Variants in LRBA observed in about 807,000 individuals in gnomAD.
The protein encoded by LRBA is lipopolysaccharide-responsive and beige-like anchor protein.
LRBA carries 176 observed loss-of-function variants against 330.0 expected under a neutral mutation model. The observed-to-expected ratio is 0.53, with a 90% confidence interval of 0.47 to 0.60. The LOEUF (loss-of-function observed/expected upper bound fraction) is 0.60. Ranked by LOEUF, LRBA falls within the 20% of genes least tolerant of loss-of-function variation. The pLI is 0.00. For missense variants in LRBA, 3,259 were observed against 3,444.8 expected (o/e 0.95, Z 1.35); for synonymous variants, 1,230 against 1,193.0 (o/e 1.03, Z -0.64).
chr4:150,954,775 A>G (rs940307305), intron 2 of LRBA, among the ~76,000 whole-genome samples: 2 of 142,136 alleles, frequency 1.4e-5, no homozygotes, highest in Non-Finnish European at 1.5e-5. Context: ...ATACTAAAAA[A>G]TTTTTTAAAA....
At chr4:150,830,629 G>T (rs1435615661) in intron 29 of LRBA, among the ~76,000 whole-genome samples, 10 of 151,998 alleles carry the variant, frequency 6.6e-5, no homozygotes, top group Non-Finnish European at 1.5e-4. Flanking sequence ...AATCATGAAG[G>T]AAAGATTAAA....
intron 44 of LRBA, among the ~76,000 whole-genome samples, chr4:150,452,963 C>T (rs1277453167): frequency 1.3e-5 from 2 of 152,050 alleles, no homozygotes; most frequent in Non-Finnish European, 2.9e-5. Context: ...AGATTAAAAA[C>T]ATGAATTTTT....
chr4:150,921,048 G>A, intron 5 of LRBA, 150 bp downstream of exon 5: 1 of 502,296 alleles, frequency 2.0e-6, no homozygotes, highest in African/African-American at 1.9e-5. Flanking sequence ...TTACAAAAAA[G>A]TAACATGCAC....
At chr4:150,284,483 T>A (rs962382037) in intron 54 of LRBA, among the ~76,000 whole-genome samples, 2 of 152,210 alleles carry the variant, frequency 1.3e-5, no homozygotes, top group Non-Finnish European at 2.9e-5. Flanking sequence ...ACATGTGAGT[T>A]TTACTACTTT....
chr4:150,644,198 C>T (rs537138430), intron 37 of LRBA, among the ~76,000 whole-genome samples: 24 of 151,968 alleles, frequency 1.6e-4, no homozygotes, highest in African/African-American at 5.3e-4. Flanking sequence ...TATGCAGTAA[C>T]ACGATAGCTA....
chr4:150,826,340 G>A (rs539788273), intron 30 of LRBA, among the ~76,000 whole-genome samples: 13 of 152,312 alleles, frequency 8.5e-5, no homozygotes, highest in African/African-American at 3.1e-4. Context: ...AGCCACAAAG[G>A]ATATTTATTA....
chr4:150,996,872 A>G (rs1214871837), intron 2 of LRBA, among the ~76,000 whole-genome samples: 1 of 152,168 alleles, frequency 6.6e-6, no homozygotes, highest in African/African-American at 2.4e-5. Flanking sequence ...TTTTCATGCT[A>G]TAAATCAAGT....
chr4:151,005,988 T>C (rs1744032241), intron 2 of LRBA, among the ~76,000 whole-genome samples: 1 of 152,104 alleles, frequency 6.6e-6, no homozygotes, highest in Non-Finnish European at 1.5e-5. Context: ...AATAACTTCA[T>C]AGGAAACAAA....
chr4:150,368,118 T>C (rs1031158126), intron 47 of LRBA, among the ~76,000 whole-genome samples: 4 of 152,184 alleles, frequency 2.6e-5, no homozygotes, highest in Non-Finnish European at 5.9e-5. Context: ...ATCCTCATTC[T>C]CTCAAGGTGC....
intron 55 of LRBA, among the ~76,000 whole-genome samples, chr4:150,278,716 G>A (rs898182080): frequency 6.6e-6 from 1 of 152,184 alleles, no homozygotes; most frequent in African/African-American, 2.4e-5. Context: ...CGGGCCAAGT[G>A]CAGCCCACTG....
At chr4:150,511,157 C>A (rs1184713294) in intron 40 of LRBA, among the ~76,000 whole-genome samples, 1 of 152,170 alleles carries the variant, frequency 6.6e-6, no homozygotes, top group Non-Finnish European at 1.5e-5. Flanking sequence ...CATGCCTGGC[C>A]TAACCTCTCA....
chr4:150,344,307 A>G (rs1284086227), intron 48 of LRBA, among the ~76,000 whole-genome samples: 1 of 152,212 alleles, frequency 6.6e-6, no homozygotes, highest in Non-Finnish European at 1.5e-5. Flanking sequence ...ATTGTAACAT[A>G]TGTGAACTAT....
At chr4:150,877,532 A>G (rs1412063907) in intron 17 of LRBA, among the ~76,000 whole-genome samples, 1 of 152,218 alleles carries the variant, frequency 6.6e-6, no homozygotes, top group Non-Finnish European at 1.5e-5. Context: ...TATATAAAAC[A>G]ACGACTACGA....
intron 2 of LRBA, among the ~76,000 whole-genome samples, chr4:150,954,112 G>A (rs979071964): frequency 1.3e-5 from 2 of 151,328 alleles, no homozygotes; most frequent in Non-Finnish European, 3.0e-5. Context: ...GAAGTGAGGA[G>A]CATCTCTGCC....
At chr4:150,802,028 A>C (rs1029004618) in intron 33 of LRBA, among the ~76,000 whole-genome samples, 24 of 110,020 alleles carry the variant, frequency 2.2e-4, no homozygotes, top group Non-Finnish European at 4.0e-5. Context: ...TAAATAAATA[A>C]ATAAATAAAT....
At chr4:150,728,740 T>C (rs1248207706) in intron 36 of LRBA, among the ~76,000 whole-genome samples, 3 of 151,694 alleles carry the variant, frequency 2.0e-5, no homozygotes, top group South Asian at 2.1e-4. Context: ...CCACAACCAG[T>C]ATCATACTGA....
At chr4:150,602,979 A>G (rs1188044968) in intron 37 of LRBA, among the ~76,000 whole-genome samples, 1 of 152,208 alleles carries the variant, frequency 6.6e-6, no homozygotes, top group Non-Finnish European at 1.5e-5. Context: ...ACCTTTATAT[A>G]TCTGTATCTA....
rs1358672007 is a variant in LRBA, at chr4:150,868,215, A to G, written c.2540T>C (p.Ile847Thr). The G allele has an allele frequency of 1.2e-6, 2 of 1,612,524 alleles. No homozygotes were observed. The highest frequency in any genetic ancestry group is 2.2e-5 in the South Asian group (2 of 90,850). Reference protein sequence around the residue: ...EVRRAFLSDMIKLFNNSRENR... With the variant: ...EVRRAFLSDMTKLFNNSRENR... ...TTCTCTACTGTTATTAAAAAGTTTA[A>G]TCATGTCAGAAAGAAAGGCTCTGCG... Residue 847 changes from isoleucine to threonine, a missense_variant, in exon 21 of 57, where the codon ATT (isoleucine) becomes ACT (threonine). By Grantham distance (89) the Ile-to-Thr change is moderately conservative. Coordinates refer to ENST00000651943, the MANE Select transcript of LRBA (RefSeq NM_001364905.1).
chr4:150,889,427 G>T (rs1729254984), intron 17 of LRBA, among the ~76,000 whole-genome samples: 1 of 152,106 alleles, frequency 6.6e-6, no homozygotes, highest in African/African-American at 2.4e-5. Flanking sequence ...CAGATCATGA[G>T]GTCAGGTGAT....
Sources: allele counts gnomAD v4.1 joint callset (sites outside exome capture counted in the v4.1 genomes callset), GRCh38; gene constraint gnomAD v4.1.1; transcripts MANE v1.5; gene names NCBI Gene and HGNC (gene_info 2026-07-23, HGNC 2026-07-21).